Variants in ATRX observed in about 807,000 individuals in gnomAD.
ATRX encodes chromatin remodeler ATRX.
Under a neutral mutation model 172.6 loss-of-function variants are expected in ATRX, and 12 were observed. The observed-to-expected ratio is 0.07, with a 90% CI of 0.04 to 0.11. ATRX has a LOEUF of 0.11. Among genes scored for constraint, ATRX ranks in the 10% least tolerant of loss-of-function variants. ATRX has a pLI of 1.00. For synonymous variants in ATRX, 674 were observed against 594.7 expected (o/e 1.13, Z -1.94); for missense variants, 1,368 against 1,767.4 (o/e 0.77, Z 4.05).
chrX:77,659,052 G>C (rs1557121122), intron 12 of ATRX, among the ~76,000 whole-genome samples: 1 of 111,459 alleles, frequency 9.0e-6, no homozygotes, highest in Non-Finnish European at 1.9e-5. Context: ...GAAATGTCGG[G>C]GGAGAGGGGA....
intron 1 of ATRX, among the ~76,000 whole-genome samples, chrX:77,772,538 G>A (rs1013158131): frequency 9.5e-5 from 10 of 105,386 alleles, no homozygotes; most frequent in African/African-American, 2.1e-4. Flanking sequence ...GGGCAGTGGC[G>A]CCATCTCGGC....
intron 12 of ATRX, 83 bp from the exon 13 acceptor site, chrX:77,656,736 T>A: frequency 2.6e-6 from 2 of 762,340 alleles, no homozygotes; most frequent in Non-Finnish European, 3.9e-6. Flanking sequence ...GACTCGACAT[T>A]AAAACAGAGC....
chrX:77,563,917 T>C (rs2065107544), intron 28 of ATRX, among the ~76,000 whole-genome samples: 1 of 110,494 alleles, frequency 9.1e-6, no homozygotes, highest in Admixed American at 9.8e-5. Flanking sequence ...TCCTAGTCTG[T>C]CTGAGTCTGA....
At chrX:77,669,334 G>C (rs782764838) in intron 10 of ATRX, among the ~76,000 whole-genome samples, 45 of 107,747 alleles carry the variant, frequency 4.2e-4, no homozygotes, top group Non-Finnish European at 7.9e-4. Context: ...TCCAGACAAA[G>C]TCTTGTTCTG....
chrX:77,634,419 A>T, intron 17 of ATRX, 175 bp downstream of exon 17: 1 of 423,352 alleles, frequency 2.4e-6, no homozygotes, highest in African/African-American at 2.5e-5. Flanking sequence ...CATATTTCTT[A>T]TTTGATTAGC....
At chrX:77,766,589 C>T (rs1194033337) in intron 1 of ATRX, among the ~76,000 whole-genome samples, 1 of 105,119 alleles carries the variant, frequency 9.5e-6, no homozygotes, top group Non-Finnish European at 2.0e-5. Flanking sequence ...GACGGGGCGG[C>T]GGGGCAGAGG....
chrX:77,543,296 G>C (rs1309540149), intron 30 of ATRX, among the ~76,000 whole-genome samples: 1 of 111,901 alleles, frequency 8.9e-6, no homozygotes, highest in Non-Finnish European at 1.9e-5. Context: ...TCTTTAAAAA[G>C]TCAGGAAACA....
At position 77,698,450 on chromosome X, in the gene ATRX, GA is replaced by G. The variant is rs1318242244; in HGVS notation, c.189+123del. On this transcript the variant is annotated intron_variant, in intron 3 of 34. Transcript: ENST00000373344. Reference sequence around the variant, plus strand: ...TCTCAAACTGGAAAACAACGAAACTGAAGTATAATGACAACTGGGTATCAGT... The same window carrying G: ...TCTCAAACTGGAAAACAACGAAACTGAGTATAATGACAACTGGGTATCAGT... The G allele has an allele frequency of 5.8e-4, 315 of 546,511 alleles. 3 individuals carry two copies. In the Admixed American group the frequency reaches 0.01, roughly 18 times the overall value. The allele number at this position is 546,511 out of a possible 1,213,427, so 45.0% of individuals were successfully genotyped here. A position where few individuals can be genotyped will look rare whatever the true frequency, so the allele number is the denominator to read the frequency against.
At chrX:77,763,336 G>A in intron 1 of ATRX, among the ~76,000 whole-genome samples, 1 of 109,121 alleles carries the variant, frequency 9.2e-6, no homozygotes, top group Non-Finnish European at 1.9e-5. Flanking sequence ...GTAGAAACAA[G>A]AGTTCACCAT....
rs187807870 is a variant in ATRX, at chrX:77,699,569, C to T, written c.134-940G>A. ...TAGACTGACCAAGAAAAAAAAGAAA[C>T]AAGACTCAAGTTACTAGAATCAGAA... On this transcript the variant is annotated intron_variant, in intron 2 of 34. Coordinates refer to ENST00000373344, the MANE Select transcript of ATRX (RefSeq NM_000489.6). 1.1e-4 allele frequency: 12 copies of T among 111,342 alleles called. No homozygotes were observed. The East Asian group carries it at 3.4e-3, about 31-fold the overall frequency. The allele number at this position is 111,342 out of a possible 1,213,427, so 9.2% of individuals were successfully genotyped here.
At chrX:77,548,951 G>A (rs782172965) in intron 30 of ATRX, among the ~76,000 whole-genome samples, 11 of 112,278 alleles carry the variant, frequency 9.8e-5, no homozygotes, top group African/African-American at 3.2e-4. Flanking sequence ...AAAGACATAC[G>A]TAGTCCAGTG....
intron 30 of ATRX, among the ~76,000 whole-genome samples, chrX:77,547,422 T>G (rs1339065050): frequency 9.0e-6 from 1 of 111,716 alleles, no homozygotes; most frequent in Non-Finnish European, 1.9e-5. Context: ...CCAAATGTTT[T>G]CCCTAAAAGA....
chrX:77,730,832 C>T (rs1364254739), intron 1 of ATRX, among the ~76,000 whole-genome samples: 1 of 110,248 alleles, frequency 9.1e-6, no homozygotes, highest in Non-Finnish European at 1.9e-5. Flanking sequence ...ACAGCAAAAG[C>T]ATTACTAAAA....
intron 2 of ATRX, among the ~76,000 whole-genome samples, chrX:77,701,993 G>T (rs1302848520): frequency 1.8e-5 from 2 of 111,108 alleles, no homozygotes; most frequent in Admixed American, 9.6e-5. Flanking sequence ...TTGAACCCAG[G>T]GGGTAGAGGT....
chrX:77,668,532 C>T (rs1202273415), intron 10 of ATRX, among the ~76,000 whole-genome samples: 2 of 111,474 alleles, frequency 1.8e-5, no homozygotes, highest in African/African-American at 3.3e-5. Flanking sequence ...AGGCACAGGC[C>T]GTGCCACTCT....
intron 31 of ATRX, 152 bp downstream of exon 31, chrX:77,523,100 A>T (rs2063283765): frequency 1.1e-5 from 8 of 756,830 alleles, no homozygotes; most frequent in Non-Finnish European, 1.5e-5. Context: ...GGTAGCTGAA[A>T]CCAACCCATA....
At chrX:77,646,475 G>C (rs782818408) in intron 15 of ATRX, among the ~76,000 whole-genome samples, 1 of 111,229 alleles carries the variant, frequency 9.0e-6, no homozygotes, top group African/African-American at 3.3e-5. Flanking sequence ...AGCACTGAAA[G>C]AACTAAAAGG....
chrX:77,604,579 C>G (rs1160307206), intron 22 of ATRX, among the ~76,000 whole-genome samples: 1 of 112,073 alleles, frequency 8.9e-6, no homozygotes, highest in African/African-American at 3.2e-5. Flanking sequence ...AAAAACAGTA[C>G]AGAGATTACT....
chrX:77,553,117 C>T (rs1320044990), intron 30 of ATRX, among the ~76,000 whole-genome samples: 2 of 111,611 alleles, frequency 1.8e-5, no homozygotes, highest in Non-Finnish European at 3.8e-5. Context: ...CCATGAATAT[C>T]CAAACGTACC....
Sources: gnomAD v4.1 joint callset for allele counts (sites outside exome capture counted in the v4.1 genomes callset) on GRCh38, gnomAD v4.1.1 for gene constraint, MANE v1.5 for transcripts, NCBI Gene and HGNC (gene_info 2026-07-23, HGNC 2026-07-21) for gene names.